The following TAFA5 variants were observed in gnomAD, a reference collection of about 807,000 sequenced individuals.
TAFA5 encodes TAFA chemokine like family member 5.
In TAFA5, 6 loss-of-function variants were observed where a neutral mutation model predicts 15.3. The observed-to-expected ratio is 0.39, with a 90% CI of 0.21 to 0.77. TAFA5 has a LOEUF of 0.77. Among genes scored for constraint, TAFA5 ranks in the 30% least tolerant of loss-of-function variants. The pLI is 0.41. For missense variants in TAFA5, 161 were observed against 193.1 expected (o/e 0.83, Z 0.98); for synonymous variants, 103 against 80.7 (o/e 1.28, Z -1.48).
intron 1 of TAFA5, among the ~76,000 whole-genome samples, chr22:48,595,723 G>A (rs1478342714): frequency 6.6e-6 from 1 of 152,362 alleles, no homozygotes; most frequent in East Asian, 1.9e-4. Flanking sequence ...AGGTCCTCTT[G>A]CACTGTTTAA....
intron 1 of TAFA5, among the ~76,000 whole-genome samples, chr22:48,607,539 C>T (rs1053610911): frequency 6.6e-5 from 9 of 136,122 alleles, no homozygotes; most frequent in African/African-American, 2.6e-4. Flanking sequence ...CAGGTCTGTC[C>T]TGGGTTCTGA....
chr22:48,707,142 G>T (rs1929103184), intron 2 of TAFA5, among the ~76,000 whole-genome samples: 1 of 152,086 alleles, frequency 6.6e-6, no homozygotes, highest in East Asian at 1.9e-4. Context: ...GGCCCCAGGG[G>T]TCAGCCGGGC....
At chr22:48,594,096 T>C (rs1350291514) in intron 1 of TAFA5, among the ~76,000 whole-genome samples, 4 of 152,234 alleles carry the variant, frequency 2.6e-5, no homozygotes, top group African/African-American at 7.2e-5. Flanking sequence ...CAGGCCCTGG[T>C]CATGCTCCTG....
chr22:48,611,110 T>C (rs1925391680), intron 1 of TAFA5, among the ~76,000 whole-genome samples: 1 of 152,166 alleles, frequency 6.6e-6, no homozygotes, highest in Non-Finnish European at 1.5e-5. Flanking sequence ...ATTTTTTGTA[T>C]ATTCAGTAGA....
chr22:48,546,148 C>A (rs770189072), intron 1 of TAFA5, among the ~76,000 whole-genome samples: 3 of 152,220 alleles, frequency 2.0e-5, no homozygotes, highest in African/African-American at 7.2e-5. Flanking sequence ...AGGAGGAGGG[C>A]TCCCCTTCAG....
chr22:48,576,047 C>CG (rs1353924599), intron 1 of TAFA5, among the ~76,000 whole-genome samples: 1 of 110,998 alleles, frequency 9.0e-6, no homozygotes, highest in African/African-American at 3.7e-5. Context: ...GGACCCCCCC[C>CG]CCCCCCGCGC....
intron 1 of TAFA5, among the ~76,000 whole-genome samples, chr22:48,558,793 A>G (rs1476038862): frequency 3.3e-5 from 5 of 152,188 alleles, no homozygotes; most frequent in African/African-American, 1.2e-4. Flanking sequence ...GTGGTTCACG[A>G]GGTCAGGAGG....
intron 1 of TAFA5, among the ~76,000 whole-genome samples, chr22:48,537,195 G>T (rs903033721): frequency 6.9e-6 from 1 of 144,264 alleles, no homozygotes; most frequent in African/African-American, 2.5e-5. Flanking sequence ...CTCTGCCTTT[G>T]AGACACCCGG....
intron 2 of TAFA5, among the ~76,000 whole-genome samples, chr22:48,682,285 G>A (rs560587762): frequency 2.0e-5 from 3 of 152,192 alleles, no homozygotes; most frequent in African/African-American, 4.8e-5. Flanking sequence ...CCCTAGAGCC[G>A]TGATGATGAG....
chr22:48,613,114 G>A (rs972789327), intron 1 of TAFA5, among the ~76,000 whole-genome samples: 8 of 152,178 alleles, frequency 5.3e-5, no homozygotes, highest in Admixed American at 1.3e-4. Context: ...TCCTGTGCTC[G>A]GGAATATGCT....
chr22:48,636,438 G>T (rs977496154), intron 1 of TAFA5, among the ~76,000 whole-genome samples: 5 of 152,174 alleles, frequency 3.3e-5, no homozygotes, highest in African/African-American at 1.2e-4. Context: ...AGATCTTAAA[G>T]AATGCATTTT....
intron 1 of TAFA5, among the ~76,000 whole-genome samples, chr22:48,641,632 C>T (rs1327291966): frequency 6.6e-6 from 1 of 150,810 alleles, no homozygotes; most frequent in African/African-American, 2.4e-5. Context: ...CCTCCCTTCC[C>T]CCCCGCACAC....
At chr22:48,597,790 A>T (rs116181277) in intron 1 of TAFA5, among the ~76,000 whole-genome samples, 68 of 152,396 alleles carry the variant, frequency 4.5e-4, no homozygotes, top group African/African-American at 1.6e-3. Context: ...TGGTAGGCAC[A>T]GGCTGAGCTG....
At chr22:48,520,634 G>A (rs547964830) in intron 1 of TAFA5, among the ~76,000 whole-genome samples, 1 of 152,320 alleles carries the variant, frequency 6.6e-6, no homozygotes, top group South Asian at 2.1e-4. Context: ...TGAGGGATTT[G>A]GAGAGAGACC....
chr22:48,509,107 C>T (rs1250616514), intron 1 of TAFA5, among the ~76,000 whole-genome samples: 1 of 152,254 alleles, frequency 6.6e-6, no homozygotes, highest in Non-Finnish European at 1.5e-5. Context: ...ACAATGCCCT[C>T]CGGAGTCATG....
chr22:48,503,158 C>T lies in TAFA5; in HGVS notation c.112+13454C>T, dbSNP rs62223610. ...AGCTGCCTGTGTGAGGAGGTCTGTCCCATTACCAGGGCTCTGCCATGTCTG... is the reference window on the plus strand; with the variant it reads ...AGCTGCCTGTGTGAGGAGGTCTGTCTCATTACCAGGGCTCTGCCATGTCTG... On this transcript the variant is annotated intron_variant, in intron 1 of 3. Transcript: ENST00000402357. Among the ~76,000 whole-genome samples the T allele has an allele frequency of 7.9e-3, 1,203 of 152,282 alleles. 11 individuals are homozygous for T. The highest frequency in any genetic ancestry group is 0.011 in the Non-Finnish European group (728 of 68,026).
In TAFA5 at chr22:48,513,510, C is replaced by T. The variant is rs142419470; in HGVS notation, c.112+23806C>T. ...GCGATTCCTGGGTGCCACCCCATGC[C>T]GGCTTCTAACTGCAGTGTGACCAGA... is the stretch of plus-strand genomic sequence containing the variant. On this transcript the variant is annotated intron_variant, in intron 1 of 3. Coordinates refer to ENST00000402357, the MANE Select transcript of TAFA5 (RefSeq NM_001082967.3). Among the ~76,000 whole-genome samples the T allele has an allele frequency of 1.5e-3, 232 of 152,332 alleles. 1 individual carries two copies. In the East Asian group the frequency reaches 0.016, roughly 10 times the overall value.
At chr22:48,575,514 G>GGCGC (rs1218948520) in intron 1 of TAFA5, among the ~76,000 whole-genome samples, 1 of 146,310 alleles carries the variant, frequency 6.8e-6, no homozygotes, top group African/African-American at 2.4e-5. Flanking sequence ...CGAGCGGGCG[G>GGCGC]GCGCGCGCCT....
intron 1 of TAFA5, among the ~76,000 whole-genome samples, chr22:48,498,568 A>G (rs567065818): frequency 2.2e-4 from 34 of 152,206 alleles, no homozygotes; most frequent in African/African-American, 7.7e-4. Context: ...CAGCTCCCCA[A>G]TCTTTGTTCT....
Sources: gnomAD v4.1 joint callset for allele counts (sites outside exome capture counted in the v4.1 genomes callset) on GRCh38, gnomAD v4.1.1 for gene constraint, MANE v1.5 for transcripts, NCBI Gene and HGNC (gene_info 2026-07-23, HGNC 2026-07-21) for gene names.